ADAM23: variants seen among roughly 807,000 people sequenced by gnomAD.
The protein encoded by ADAM23 is ADAM metallopeptidase domain 23, also known as disintegrin and metalloproteinase domain-containing protein 23.
In ADAM23, 33 loss-of-function variants were observed where a neutral mutation model predicts 120.1. The ratio of observed to expected loss-of-function variants is 0.27; its 90% CI spans 0.21 to 0.37. The LOEUF is 0.37. Ranked by LOEUF, ADAM23 falls within the 10% of genes least tolerant of loss-of-function variation. ADAM23 has a pLI of 1.00. For missense variants in ADAM23, 862 were observed against 1,058.2 expected, an observed-to-expected ratio of 0.81 and a Z score of 2.57; for synonymous variants, 367 against 375.2, an observed-to-expected ratio of 0.98 and a Z score of 0.25.
At chr2:206,469,164 A>C (rs941744268) in intron 2 of ADAM23, among the ~76,000 whole-genome samples, 4 of 152,192 alleles carry the variant, frequency 2.6e-5, no homozygotes, top group African/African-American at 9.6e-5. Context: ...ACCATAGTTT[A>C]AAGGATTTAT....
chr2:206,541,184 A>G (rs1697284170), intron 4 of ADAM23, among the ~76,000 whole-genome samples: 1 of 151,592 alleles, frequency 6.6e-6, no homozygotes, highest in African/African-American at 2.4e-5. Context: ...AAATAAAAAT[A>G]AAAGTGTCAC....
At chr2:206,530,242 A>G (rs887727679) in intron 3 of ADAM23, among the ~76,000 whole-genome samples, 3 of 152,238 alleles carry the variant, frequency 2.0e-5, no homozygotes, top group Non-Finnish European at 4.4e-5. Flanking sequence ...TCATTTGTTT[A>G]CATACTGCCC....
At chr2:206,607,688 T>C (rs1210128135) in intron 24 of ADAM23, among the ~76,000 whole-genome samples, 1 of 152,224 alleles carries the variant, frequency 6.6e-6, no homozygotes, top group African/African-American at 2.4e-5. Flanking sequence ...AGATTTGTTA[T>C]TATTCCTGGT....
At chr2:206,514,948 T>G (rs964936992) in intron 3 of ADAM23, among the ~76,000 whole-genome samples, 1 of 152,218 alleles carries the variant, frequency 6.6e-6, no homozygotes, top group African/African-American at 2.4e-5. Flanking sequence ...TACAGTATAG[T>G]GTAAACCTAC....
At chr2:206,483,042 TTC>T (rs1397159637) in intron 3 of ADAM23, among the ~76,000 whole-genome samples, 2 of 152,162 alleles carry the variant, frequency 1.3e-5, no homozygotes, top group African/African-American at 4.8e-5. Flanking sequence ...GTTCTGGTAT[TTC>T]ACGTGTCAGT....
chr2:206,493,559 G>T (rs1275858776), intron 3 of ADAM23, among the ~76,000 whole-genome samples: 1 of 152,148 alleles, frequency 6.6e-6, no homozygotes, highest in Non-Finnish European at 1.5e-5. Context: ...TTTTAGTAGA[G>T]ACAGTGTTTT....
intron 3 of ADAM23, among the ~76,000 whole-genome samples, chr2:206,482,837 A>G (rs975928579): frequency 3.3e-5 from 5 of 152,176 alleles, no homozygotes; most frequent in African/African-American, 1.2e-4. Flanking sequence ...CGTCTTGGGA[A>G]AGGTGATGCT....
chr2:206,483,961 G>A (rs1695950966), intron 3 of ADAM23, among the ~76,000 whole-genome samples: 1 of 152,154 alleles, frequency 6.6e-6, no homozygotes, highest in Non-Finnish European at 1.5e-5. Flanking sequence ...AATGATGACA[G>A]AGCAAGTTGG....
rs1246024180 is a variant in ADAM23, at chr2:206,611,005, T to G, written c.2450+1005T>G. On this transcript the variant is annotated intron_variant, in intron 25 of 25. Coordinates refer to ENST00000264377, the MANE Select transcript of ADAM23 (RefSeq NM_003812.4). ...CTTTTGCCCTGAACTATCTGAATAA[T>G]TGCCTTAATTATAAACTTTATATGT... Among the ~76,000 whole-genome samples the G allele has an allele frequency of 6.6e-5, 10 of 152,360 alleles. No individual in the cohort carries two copies. The East Asian group carries it at 1.9e-3, about 29-fold the overall frequency.
chr2:206,527,607 T>A (rs182849857), intron 3 of ADAM23, among the ~76,000 whole-genome samples: 37 of 152,376 alleles, frequency 2.4e-4, no homozygotes, highest in Non-Finnish European at 4.6e-4. Flanking sequence ...AGTTTCAATT[T>A]GAAAGTTGCA....
chr2:206,524,016 G>A (rs1306117436), intron 3 of ADAM23, among the ~76,000 whole-genome samples: 1 of 152,076 alleles, frequency 6.6e-6, no homozygotes, highest in Non-Finnish European at 1.5e-5. Context: ...GAAGGAAGGG[G>A]TGGTAGGAGA....
At chr2:206,486,867 C>T (rs971592843) in intron 3 of ADAM23, among the ~76,000 whole-genome samples, 2 of 152,180 alleles carry the variant, frequency 1.3e-5, no homozygotes, top group African/African-American at 4.8e-5. Flanking sequence ...AAACCCTGTA[C>T]CCATTAGCAG....
In ADAM23 at chr2:206,619,289, C is replaced by T. The variant is rs543010211; in HGVS notation, c.*1662C>T. ...CTCCAGCCAGATTTGCAGATGTAAT[C>T]TGGGCTTTCCAAGTCCCTCTGAGTT... On this transcript the variant is annotated 3_prime_UTR_variant, in exon 26 of 26. Transcript: ENST00000264377. The T allele has an allele frequency of 1.1e-4, 17 of 152,330 alleles. 1 individual carries two copies. The South Asian group carries it at 3.3e-3, about 30-fold the overall frequency. 9.4% of individuals were successfully genotyped at this position (152,330 alleles called of 1,614,324 possible).
At chr2:206,491,819 G>A (rs544213382) in intron 3 of ADAM23, among the ~76,000 whole-genome samples, 29 of 152,308 alleles carry the variant, frequency 1.9e-4, no homozygotes, top group African/African-American at 6.7e-4. Flanking sequence ...GACGCCTGAT[G>A]TAGTAGGGCA....
intron 2 of ADAM23, among the ~76,000 whole-genome samples, chr2:206,458,191 T>A (rs1160250838): frequency 5.4e-5 from 4 of 73,554 alleles, no homozygotes; most frequent in Non-Finnish European, 1.2e-4. Flanking sequence ...CTGGACAAGT[T>A]ACTTAGCCCC....
chr2:206,611,219 A>G (rs979253063), intron 25 of ADAM23, among the ~76,000 whole-genome samples: 6 of 152,194 alleles, frequency 3.9e-5, no homozygotes, highest in Non-Finnish European at 1.5e-5. Context: ...TTATAAAATT[A>G]TACGTCTTTT....
At chr2:206,521,211 C>T (rs1022745188) in intron 3 of ADAM23, among the ~76,000 whole-genome samples, 4 of 152,060 alleles carry the variant, frequency 2.6e-5, no homozygotes, top group African/African-American at 4.8e-5. Flanking sequence ...ATCACCTTGA[C>T]GGTGAGAGGC....
chr2:206,529,562 C>A (rs1044096795), intron 3 of ADAM23, among the ~76,000 whole-genome samples: 1 of 151,992 alleles, frequency 6.6e-6, no homozygotes, highest in Non-Finnish European at 1.5e-5. Flanking sequence ...CCACACCTGG[C>A]TAATGTTTTA....
Position 206,543,976 on chromosome 2 carries a change from G to A in ADAM23, c.720+660G>A, listed in dbSNP as rs55683191. Among the ~76,000 whole-genome samples, 786 of 152,298 alleles carry A rather than the reference G, an allele frequency of 5.2e-3. 4 individuals are homozygous for A. Among genetic ancestry groups the A allele is most frequent in the Non-Finnish European group, 8.3e-3 (565 of 68,018 alleles). On this transcript the variant is annotated intron_variant, in intron 6 of 25. Coordinates refer to ENST00000264377, the MANE Select transcript of ADAM23 (RefSeq NM_003812.4). ...ATGATACATTGGACTTTGGAGGCTC[G>A]GGAAAGTGGAAGGTGGTGAGTGATA...
Sources: allele counts gnomAD v4.1 joint callset (sites outside exome capture counted in the v4.1 genomes callset), GRCh38; gene constraint gnomAD v4.1.1; transcripts MANE v1.5; gene names NCBI Gene and HGNC (gene_info 2026-07-23, HGNC 2026-07-21).